SLC22A3: variants seen among roughly 807,000 people sequenced by gnomAD.
The protein encoded by SLC22A3 is EMT organic cation transporter 3.
A neutral mutation model predicts 59.1 loss-of-function variants in SLC22A3; 51 were observed. That is an observed-to-expected ratio of 0.86 (90% confidence interval 0.69 to 1.09). SLC22A3 has a LOEUF of 1.09. Among genes scored for constraint, SLC22A3 ranks in the 50% least tolerant of loss-of-function variants. SLC22A3 has a pLI of 0.00. For missense variants in SLC22A3, 711 were observed against 726.3 expected, an observed-to-expected ratio of 0.98 and a Z score of 0.24; for synonymous variants, 325 against 292.0, an observed-to-expected ratio of 1.11 and a Z score of -1.15.
At chr6:160,377,291 C>T (rs1485108465) in intron 1 of SLC22A3, among the ~76,000 whole-genome samples, 2 of 152,012 alleles carry the variant, frequency 1.3e-5, no homozygotes, top group African/African-American at 2.4e-5. Flanking sequence ...TCGAGACCAG[C>T]CTGGCCAATA....
At chr6:160,417,054 C>G (rs1787525352) in intron 5 of SLC22A3, among the ~76,000 whole-genome samples, 1 of 152,196 alleles carries the variant, frequency 6.6e-6, no homozygotes, top group Non-Finnish European at 1.5e-5. Context: ...TTCACTTCCT[C>G]TCTGTAAGAG....
At chr6:160,365,063 CACTT>C (rs757646364) in intron 1 of SLC22A3, among the ~76,000 whole-genome samples, 1 of 151,940 alleles carries the variant, frequency 6.6e-6, no homozygotes, top group Non-Finnish European at 1.5e-5. Flanking sequence ...TAGCAAAATA[CACTT>C]ACTTGATTCA....
At chr6:160,368,644 C>T (rs186268654) in intron 1 of SLC22A3, among the ~76,000 whole-genome samples, 30 of 152,270 alleles carry the variant, frequency 2.0e-4, no homozygotes, top group Admixed American at 7.8e-4. Flanking sequence ...CTCCATCATC[C>T]CCGCCACACC....
intron 2 of SLC22A3, among the ~76,000 whole-genome samples, chr6:160,401,001 A>C (rs896738248): frequency 6.6e-5 from 10 of 151,024 alleles, no homozygotes; most frequent in African/African-American, 2.4e-4. Context: ...AAAAAAAAAA[A>C]AAAAACCCAC....
At chr6:160,401,817 A>G (rs748204191) in intron 2 of SLC22A3, among the ~76,000 whole-genome samples, 2 of 151,924 alleles carry the variant, frequency 1.3e-5, no homozygotes, top group Non-Finnish European at 2.9e-5. Context: ...TTAGTTATAA[A>G]TGTATATTGT....
intron 1 of SLC22A3, among the ~76,000 whole-genome samples, chr6:160,355,611 ATACAAAAACG>A (rs1784809388): frequency 6.6e-6 from 1 of 151,170 alleles, no homozygotes; most frequent in Non-Finnish European, 1.5e-5. Context: ...AAAAAAAAAA[ATACAAAAACG>A]ATTAGCCAGG....
intron 1 of SLC22A3, among the ~76,000 whole-genome samples, chr6:160,378,864 A>T (rs897813352): frequency 6.6e-6 from 1 of 152,228 alleles, no homozygotes; most frequent in African/African-American, 2.4e-5. Flanking sequence ...TTGTGATCGC[A>T]TCACTGACTG....
intron 5 of SLC22A3, among the ~76,000 whole-genome samples, chr6:160,428,050 T>C (rs756670192): frequency 2.6e-5 from 4 of 152,054 alleles, no homozygotes; most frequent in Non-Finnish European, 5.9e-5. Flanking sequence ...TTTTCCTTTC[T>C]CCTCTTATGT....
intron 1 of SLC22A3, among the ~76,000 whole-genome samples, chr6:160,356,911 A>G (rs939887899): frequency 3.9e-5 from 6 of 152,240 alleles, no homozygotes; most frequent in African/African-American, 1.4e-4. Flanking sequence ...GTAATAAAGC[A>G]AAATAACTCT....
At chr6:160,367,515 A>G (rs1003388042) in intron 1 of SLC22A3, among the ~76,000 whole-genome samples, 1 of 152,194 alleles carries the variant, frequency 6.6e-6, no homozygotes, top group Non-Finnish European at 1.5e-5. Context: ...TGCTATAAAA[A>G]TAGCACATAC....
At chr6:160,354,784 A>G (rs1367299333) in intron 1 of SLC22A3, among the ~76,000 whole-genome samples, 1 of 152,202 alleles carries the variant, frequency 6.6e-6, no homozygotes, top group African/African-American at 2.4e-5. Flanking sequence ...TCTCTAAAAA[A>G]TAAAATAAAA....
At chr6:160,355,598 A>T (rs985178502) in intron 1 of SLC22A3, among the ~76,000 whole-genome samples, 3 of 50,706 alleles carry the variant, frequency 5.9e-5, no homozygotes, top group African/African-American at 1.5e-4. Flanking sequence ...CGTCTCTACT[A>T]AAAAAAAAAA....
At chr6:160,427,279 C>CTGG (rs1787999464) in intron 5 of SLC22A3, among the ~76,000 whole-genome samples, 1 of 152,220 alleles carries the variant, frequency 6.6e-6, no homozygotes, top group Non-Finnish European at 1.5e-5. Context: ...GGAACATAGG[C>CTGG]AGCATCAAGC....
chr6:160,408,513 T>A (rs537040928), intron 3 of SLC22A3, among the ~76,000 whole-genome samples: 9 of 152,304 alleles, frequency 5.9e-5, no homozygotes, highest in African/African-American at 2.2e-4. Flanking sequence ...CTGGTCTGGG[T>A]GCATAAGAGG....
chr6:160,399,623 A>G (rs1276288058), intron 2 of SLC22A3, among the ~76,000 whole-genome samples: 1 of 152,152 alleles, frequency 6.6e-6, no homozygotes, highest in Non-Finnish European at 1.5e-5. Flanking sequence ...CTTCCTCCAT[A>G]TCCATGATTT....
Position 160,437,147 on chromosome 6 carries a change from C to T in SLC22A3, c.1224C>T (p.Leu408=). 3 of 1,614,164 alleles carry T rather than the reference C, an allele frequency of 1.9e-6. No individual in the cohort carries two copies. Among genetic ancestry groups the T allele is most frequent in the Non-Finnish European group, 2.5e-6 (3 of 1,180,014 alleles). The change falls in exon 7 of 11, where the codon CTC becomes CTT. Residue 408 remains leucine (L), a synonymous_variant. Coordinates refer to ENST00000275300, the MANE Select transcript of SLC22A3 (RefSeq NM_021977.4). ...LLTIERLGRR[L]PFAASNIVAG... Reference sequence around the variant, plus strand: ...CCATTGAGCGCCTTGGACGACGCCTCCCCTTTGCGGCAAGCAATATAGTGG... The same window carrying T: ...CCATTGAGCGCCTTGGACGACGCCTTCCCTTTGCGGCAAGCAATATAGTGG...
intron 1 of SLC22A3, among the ~76,000 whole-genome samples, chr6:160,353,302 C>T (rs1784722723): frequency 6.6e-6 from 1 of 152,206 alleles, no homozygotes; most frequent in African/African-American, 2.4e-5. Context: ...TCTCCTGCTC[C>T]TCTCTGGCAG....
Position 160,357,884 on chromosome 6 carries a change from C to T in SLC22A3, c.429+9036C>T, listed in dbSNP as rs554864009. Among the ~76,000 whole-genome samples, 108 of 152,308 alleles carry T rather than the reference C, an allele frequency of 7.1e-4. 1 individual carries two copies. Among genetic ancestry groups the T allele is most frequent in the African/African-American group, 2.5e-3 (102 of 41,568 alleles). ...AGAGGTTCTTGATCTTCCTGTGTGG[C>T]AGTTAGTGGGAAATTATGTGACAAA... is the stretch of plus-strand genomic sequence containing the variant. On this transcript the variant is annotated intron_variant, in intron 1 of 10. Coordinates refer to ENST00000275300, the MANE Select transcript of SLC22A3 (RefSeq NM_021977.4).
At position 160,348,772 on chromosome 6, in the gene SLC22A3, C is replaced by T. The variant is rs1321781874; in HGVS notation, c.353C>T (p.Pro118Leu). Residue 118 changes from proline to leucine, a missense_variant, in exon 1 of 11, where the codon CCC (proline) becomes CTC (leucine). Coordinates refer to ENST00000275300, the MANE Select transcript of SLC22A3 (RefSeq NM_021977.4). ...TGCGCGGACCCACTCGCCGCCTTCC[C>T]CAACCGCTCGGCTCCCCTTGTGCCG... Reference protein sequence around the residue: ...LSCADPLAAFPNRSAPLVPCR... With the variant: ...LSCADPLAAFLNRSAPLVPCR... 6.5e-7 allele frequency: 1 copy of T among 1,549,430 alleles called. No individual in the cohort carries two copies. The highest frequency in any genetic ancestry group is 8.7e-7 in the Non-Finnish European group (1 of 1,154,172).
Sources: gnomAD v4.1 joint callset for allele counts (sites outside exome capture counted in the v4.1 genomes callset) on GRCh38, gnomAD v4.1.1 for gene constraint, MANE v1.5 for transcripts, NCBI Gene and HGNC (gene_info 2026-07-23, HGNC 2026-07-21) for gene names.